GRM8: variants seen among roughly 807,000 people sequenced by gnomAD.
GRM8 encodes the protein glutamate metabotropic receptor 8.
A neutral mutation model predicts 87.2 loss-of-function variants in GRM8; 47 were observed. The ratio of observed to expected loss-of-function variants is 0.54; its 90% CI spans 0.43 to 0.69. GRM8 has a LOEUF of 0.69. Ranked by LOEUF, GRM8 falls within the 30% of genes least tolerant of loss-of-function variation. The probability of loss-of-function intolerance (pLI) is 0.00; values close to 1 mark genes in which losing one functional copy is unlikely to be tolerated. For synonymous variants in GRM8, 396 were observed against 404.5 expected, an observed-to-expected ratio of 0.98 and a Z score of 0.25; for missense variants, 1,019 against 1,139.2, an observed-to-expected ratio of 0.89 and a Z score of 1.52.
At chr7:126,652,619 T>A (rs1170569334) in intron 7 of GRM8, among the ~76,000 whole-genome samples, 1 of 152,150 alleles carries the variant, frequency 6.6e-6, no homozygotes, top group Non-Finnish European at 1.5e-5. Flanking sequence ...TGGCTTAGCC[T>A]CCAATCCTAC....
At chr7:126,644,728 C>T (rs1361985) in intron 7 of GRM8, among the ~76,000 whole-genome samples, 125,600 of 152,186 alleles carry the variant, frequency 0.83, 52,233 homozygotes, top group East Asian at 0.94. Context: ...AGTTTAACAG[C>T]TGATTATCAA....
At chr7:126,888,631 C>T (rs1378046970) in intron 6 of GRM8, among the ~76,000 whole-genome samples, 3 of 152,152 alleles carry the variant, frequency 2.0e-5, no homozygotes, top group African/African-American at 7.2e-5. Flanking sequence ...GCTGAATTGG[C>T]ATATCTGGAG....
intron 6 of GRM8, among the ~76,000 whole-genome samples, chr7:126,801,545 T>C (rs1822697855): frequency 1.6e-5 from 1 of 63,888 alleles, no homozygotes; most frequent in South Asian, 4.8e-4. Context: ...CAAAATAGTA[T>C]TACTATGTGG....
intron 3 of GRM8, among the ~76,000 whole-genome samples, chr7:126,963,482 A>G: frequency 6.6e-6 from 1 of 152,190 alleles, no homozygotes; most frequent in East Asian, 1.9e-4. Context: ...CAGTCTCAGG[A>G]TACAAAATCA....
At chr7:126,996,890 G>C (rs1344252234) in intron 3 of GRM8, among the ~76,000 whole-genome samples, 1 of 151,770 alleles carries the variant, frequency 6.6e-6, no homozygotes, top group East Asian at 1.9e-4. Context: ...TTTCTGCCTG[G>C]GAAATCTGTC....
intron 2 of GRM8, among the ~76,000 whole-genome samples, chr7:127,223,771 T>C (rs1253164299): frequency 2.0e-5 from 3 of 152,108 alleles, no homozygotes; most frequent in Non-Finnish European, 4.4e-5. Context: ...CAGATGGATA[T>C]GGGTTTCAAA....
At chr7:126,559,890 C>T (rs191888408) in intron 8 of GRM8, among the ~76,000 whole-genome samples, 1 of 152,302 alleles carries the variant, frequency 6.6e-6, no homozygotes. Flanking sequence ...TATATTTTCT[C>T]TTTGAAATTC....
chr7:126,772,703 C>A (rs1368397833), intron 6 of GRM8, among the ~76,000 whole-genome samples: 1 of 151,992 alleles, frequency 6.6e-6, no homozygotes, highest in African/African-American at 2.4e-5. Context: ...AAAATCTAAT[C>A]AAATTCTTCC....
At chr7:127,167,266 T>C (rs2116285630) in intron 2 of GRM8, among the ~76,000 whole-genome samples, 1 of 152,286 alleles carries the variant, frequency 6.6e-6, no homozygotes, top group Non-Finnish European at 1.5e-5. Context: ...ATGCCAACAA[T>C]TCTAACTAAT....
chr7:126,545,560 A>G (rs1817053559), intron 8 of GRM8, among the ~76,000 whole-genome samples: 1 of 152,178 alleles, frequency 6.6e-6, no homozygotes. Context: ...TATTTTAGCT[A>G]TTTTAATGTG....
At chr7:127,134,015 C>T (rs1387468561) in intron 2 of GRM8, among the ~76,000 whole-genome samples, 2 of 152,102 alleles carry the variant, frequency 1.3e-5, no homozygotes, top group Non-Finnish European at 2.9e-5. Flanking sequence ...TCTGTGAGTT[C>T]GGTATTATCT....
At position 127,049,802 on chromosome 7, in the gene GRM8, G is replaced by A. The variant is rs149868330; in HGVS notation, c.727+56694C>T. Reference sequence around the variant, plus strand: ...TGCTTAAGCTCCACTTGAAGGACGGGTACAGGTTATCAAGGAGAAGAGCAA... The same window carrying A: ...TGCTTAAGCTCCACTTGAAGGACGGATACAGGTTATCAAGGAGAAGAGCAA... On this transcript the variant is annotated intron_variant, in intron 3 of 10. Coordinates refer to ENST00000339582, the MANE Select transcript of GRM8 (RefSeq NM_000845.3). Among the ~76,000 whole-genome samples, 6 of 152,216 alleles carry A rather than the reference G, an allele frequency of 3.9e-5. No individual in the cohort carries two copies. The East Asian group carries it at 1.2e-3, about 30-fold the overall frequency.
At chr7:126,830,687 C>A (rs576084311) in intron 6 of GRM8, among the ~76,000 whole-genome samples, 1 of 152,308 alleles carries the variant, frequency 6.6e-6, no homozygotes, top group East Asian at 1.9e-4. Context: ...TCGTCTGAAG[C>A]CTTCTTCTCT....
intron 7 of GRM8, among the ~76,000 whole-genome samples, chr7:126,708,480 G>A (rs1208915044): frequency 1.3e-5 from 2 of 151,612 alleles, no homozygotes; most frequent in East Asian, 3.9e-4. Context: ...CAGCCTAAGT[G>A]TCTGTCAATG....
Position 126,697,323 on chromosome 7 carries a change from C to A in GRM8, c.1357+72542G>T, listed in dbSNP as rs548591966. On this transcript the variant is annotated intron_variant, in intron 7 of 10. Transcript: ENST00000339582. ...TAAGTAAGTCTCAAGAGCTAATGTA[C>A]AGCATGAGGACTACAGCTAATAATT... Among the ~76,000 whole-genome samples the A allele has an allele frequency of 2.6e-4, 39 of 152,176 alleles. No homozygotes were observed. In the South Asian group the frequency reaches 7.7e-3, roughly 30 times the overall value.
chr7:126,757,475 G>A (rs1039740239), intron 7 of GRM8, among the ~76,000 whole-genome samples: 3 of 152,166 alleles, frequency 2.0e-5, no homozygotes, highest in Admixed American at 6.6e-5. Context: ...ACGAAAAGCC[G>A]AACAAGACCT....
intron 7 of GRM8, 99 bp from the exon 8 acceptor site, chr7:126,609,597 G>A (rs1036828636): frequency 1.2e-6 from 1 of 813,316 alleles, no homozygotes; most frequent in Non-Finnish European, 1.9e-6. Flanking sequence ...AATATATTGT[G>A]TGAAGTAAGT....
intron 3 of GRM8, among the ~76,000 whole-genome samples, chr7:126,909,928 A>G (rs1803113853): frequency 6.6e-6 from 1 of 152,108 alleles, no homozygotes. Flanking sequence ...CCCATCCACA[A>G]TTGACTATAC....
At chr7:126,782,928 G>A (rs900228831) in intron 6 of GRM8, among the ~76,000 whole-genome samples, 13 of 152,282 alleles carry the variant, frequency 8.5e-5, no homozygotes, top group African/African-American at 2.4e-4. Context: ...GTCGCAATCT[G>A]TCTGGGAGAG....
Sources: gnomAD v4.1 joint callset for allele counts (sites outside exome capture counted in the v4.1 genomes callset) on GRCh38, gnomAD v4.1.1 for gene constraint, MANE v1.5 for transcripts, NCBI Gene and HGNC (gene_info 2026-07-23, HGNC 2026-07-21) for gene names.